The following AVL9 variants were observed in gnomAD, a reference collection of about 807,000 sequenced individuals.
AVL9 encodes the protein AVL9 cell migration associated, also known as late secretory pathway protein AVL9 homolog.
A neutral mutation model predicts 79.2 loss-of-function variants in AVL9; 49 were observed. That is an observed-to-expected ratio of 0.62 (90% CI 0.49 to 0.79). The LOEUF (loss-of-function observed/expected upper bound fraction) is 0.79, where lower values mean the gene tolerates loss of function less well. AVL9 is among the 30% of genes least tolerant of loss of function. The probability of loss-of-function intolerance (pLI) is 0.00; values close to 1 mark genes in which losing one functional copy is unlikely to be tolerated. For missense variants in AVL9, 682 were observed against 776.8 expected, an observed-to-expected ratio of 0.88 and a Z score of 1.45; for synonymous variants, 299 against 280.6, an observed-to-expected ratio of 1.07 and a Z score of -0.65.
At position 32,559,102 on chromosome 7, in the gene AVL9, C is replaced by G; in HGVS notation, c.853C>G (p.His285Asp). ...GTIRKVMAGNHGEDAAMKTEE... is the reference protein window; with the variant it reads ...GTIRKVMAGNDGEDAAMKTEE... ...TATCAGGAAAGTCATGGCAGGAAAC[C>G]ATGGAGAAGATGCTGCCATGAAGAC... Residue 285 changes from histidine (H) to aspartate (D), a missense_variant, in exon 10 of 16, where the codon CAT (histidine) becomes GAT (aspartate). His to Asp is a moderately conservative substitution (Grantham distance 81). Transcript: ENST00000318709. 2 of 1,613,984 alleles carry G rather than the reference C, an allele frequency of 1.2e-6. No individual in the cohort carries two copies. The highest frequency in any genetic ancestry group is 1.7e-6 in the Non-Finnish European group (2 of 1,179,960).
chr7:32,496,099 C>T (rs1272386466), intron 1 of AVL9, among the ~76,000 whole-genome samples: 1 of 152,138 alleles, frequency 6.6e-6, no homozygotes, highest in East Asian at 1.9e-4. Flanking sequence ...AGGAAAGCAT[C>T]GAAGACCGGC....
Position 32,585,618 on chromosome 7 carries a change from G to C in AVL9, c.*1711G>C, listed in dbSNP as rs1257353445. On this transcript the variant is annotated 3_prime_UTR_variant, in exon 16 of 16. Coordinates refer to ENST00000318709, the MANE Select transcript of AVL9 (RefSeq NM_015060.3). ...GGTTTATTCCTCACTAAATGTTTAAGAAGTAAATGCTCCCAAGGCATTTGA... is the reference window on the plus strand; with the variant it reads ...GGTTTATTCCTCACTAAATGTTTAACAAGTAAATGCTCCCAAGGCATTTGA... The C allele has an allele frequency of 1.3e-5, 2 of 152,214 alleles. No individual in the cohort carries two copies. The highest frequency in any genetic ancestry group is 4.8e-5 in the African/African-American group (2 of 41,474). The allele number at this position is 152,214 out of a possible 1,614,324, so 9.4% of individuals were successfully genotyped here.
chr7:32,501,571 A>T (rs1418688145), intron 1 of AVL9, among the ~76,000 whole-genome samples: 1 of 152,184 alleles, frequency 6.6e-6, no homozygotes, highest in Non-Finnish European at 1.5e-5. Context: ...GGGCTGCAGC[A>T]TTGACAGAAC....
At chr7:32,542,082 GTTC>G (rs1789235899) in intron 1 of AVL9, among the ~76,000 whole-genome samples, 1 of 151,838 alleles carries the variant, frequency 6.6e-6, no homozygotes, top group African/African-American at 2.4e-5. Flanking sequence ...CTTTTAAAGA[GTTC>G]TTCTAAACGG....
Position 32,570,010 on chromosome 7 carries a change from T to A in AVL9, c.1216-10T>A. Reference sequence around the variant, plus strand: ...TTTCTGATATTTTCTATTACTCTTCTAATTCATAGGGATATCTGTGTTTGC... The same window carrying A: ...TTTCTGATATTTTCTATTACTCTTCAAATTCATAGGGATATCTGTGTTTGC... On this transcript the variant is annotated splice_polypyrimidine_tract_variant and intron_variant, in intron 10 of 15. Coordinates refer to ENST00000318709, the MANE Select transcript of AVL9 (RefSeq NM_015060.3). 6.2e-7 allele frequency: 1 copy of A among 1,613,944 alleles called. No homozygotes were observed. Among genetic ancestry groups the A allele is most frequent in the Non-Finnish European group, 8.5e-7 (1 of 1,179,806 alleles).
At chr7:32,524,253 C>G (rs1387283414) in intron 1 of AVL9, among the ~76,000 whole-genome samples, 3 of 152,036 alleles carry the variant, frequency 2.0e-5, no homozygotes, top group African/African-American at 7.2e-5. Flanking sequence ...CGGTGGCTCA[C>G]GCCTGTAATC....
chr7:32,547,749 G>T (rs1396632731), intron 3 of AVL9, among the ~76,000 whole-genome samples: 1 of 152,218 alleles, frequency 6.6e-6, no homozygotes, highest in African/African-American at 2.4e-5. Flanking sequence ...CCTTTCGAAT[G>T]AAGATAAGAC....
intron 1 of AVL9, among the ~76,000 whole-genome samples, chr7:32,523,980 A>G (rs554040151): frequency 4.4e-4 from 66 of 151,226 alleles, no homozygotes; most frequent in Middle Eastern, 6.8e-3. Context: ...TGATCTGCCC[A>G]CCTCAGCCTC....
At chr7:32,555,820 A>G (rs972949785) in intron 8 of AVL9, among the ~76,000 whole-genome samples, 4 of 152,140 alleles carry the variant, frequency 2.6e-5, no homozygotes, top group Non-Finnish European at 5.9e-5. Flanking sequence ...CACAATATCC[A>G]CTTTAGTTCA....
At position 32,573,236 on chromosome 7, in the gene AVL9, T is replaced by A. The variant is rs752641245; in HGVS notation, c.1388T>A (p.Leu463His). Reference sequence around the variant, plus strand: ...CTGATCCAGATCCATGATCCAGAACTCAGGAAGCTGCTTAACCCAACCACT... The same window carrying A: ...CTGATCCAGATCCATGATCCAGAACACAGGAAGCTGCTTAACCCAACCACT... ...EALIQIHDPELRKLLNPTTAD... is the reference protein window; with the variant it reads ...EALIQIHDPEHRKLLNPTTAD... Residue 463 changes from leucine to histidine, a missense_variant, in exon 12 of 16, where the codon CTC becomes CAC. Leu to His is a moderately conservative substitution (Grantham distance 99). Coordinates refer to ENST00000318709, the MANE Select transcript of AVL9 (RefSeq NM_015060.3). The A allele has an allele frequency of 2.7e-5, 44 of 1,613,996 alleles. No individual in the cohort carries two copies. Among genetic ancestry groups the A allele is most frequent in the Non-Finnish European group, 3.7e-5 (44 of 1,179,992 alleles).
At chr7:32,570,272 C>T in intron 11 of AVL9, 118 bp downstream of exon 11, 1 of 1,320,366 alleles carries the variant, frequency 7.6e-7, no homozygotes, top group Non-Finnish European at 1.1e-6. Flanking sequence ...ATACTGTATG[C>T]CATGTATTCT....
intron 1 of AVL9, chr7:32,535,632 T>G (rs1788870563): frequency 6.6e-6 from 1 of 152,184 alleles, no homozygotes. Context: ...ACTGTTAAAT[T>G]TATCTTGGCA....
chr7:32,558,486 C>A, intron 8 of AVL9, 73 bp from the exon 9 acceptor site: 1 of 1,199,232 alleles, frequency 8.3e-7, no homozygotes, highest in Non-Finnish European at 1.2e-6. Flanking sequence ...GAATTTTTCC[C>A]TCTTTTTTAT....
At chr7:32,546,299 T>C (rs1326512131) in intron 3 of AVL9, among the ~76,000 whole-genome samples, 1 of 152,132 alleles carries the variant, frequency 6.6e-6, no homozygotes, top group East Asian at 1.9e-4. Flanking sequence ...ACTGTGTGTC[T>C]CTTTTTCCCC....
chr7:32,570,083 CG>C lies in AVL9; in HGVS notation c.1284del (p.Phe429LeufsTer23), dbSNP rs1352057558. The C allele has an allele frequency of 6.2e-7, 1 of 1,614,156 alleles. No individual in the cohort carries two copies. The highest frequency in any genetic ancestry group is 8.5e-7 in the Non-Finnish European group (1 of 1,180,022). On this transcript the variant is annotated frameshift_variant, in exon 11 of 16. Transcript: ENST00000318709. LOFTEE classifies it high-confidence loss of function. ...QHHLLSDVTV[R>X]GFVAGATNIL... ...TCATCTTCTCTCCGATGTCACCGTT[CG>C]GGGGTTTGTTGCTGGAGCTACTAAC...
At chr7:32,569,363 G>A (rs1464348387) in intron 10 of AVL9, among the ~76,000 whole-genome samples, 9 of 143,698 alleles carry the variant, frequency 6.3e-5, no homozygotes, top group African/African-American at 2.5e-4. Flanking sequence ...CAGGAAGTAT[G>A]CTGGATTTTT....
At chr7:32,512,619 C>G (rs1366548661) in intron 1 of AVL9, among the ~76,000 whole-genome samples, 1 of 152,156 alleles carries the variant, frequency 6.6e-6, no homozygotes, top group Non-Finnish European at 1.5e-5. Flanking sequence ...CCTCGTAGTT[C>G]CTGTGGTCCC....
chr7:32,565,124 G>A (rs1225878417), intron 10 of AVL9, among the ~76,000 whole-genome samples: 2 of 152,204 alleles, frequency 1.3e-5, no homozygotes, highest in African/African-American at 4.8e-5. Context: ...GGACTGGCCA[G>A]AAAGGACTGG....
At chr7:32,515,702 C>T (rs1057128298) in intron 1 of AVL9, among the ~76,000 whole-genome samples, 5 of 152,092 alleles carry the variant, frequency 3.3e-5, no homozygotes, top group Non-Finnish European at 4.4e-5. Context: ...TGCAGCTGGT[C>T]GTAGTTTCTC....
Sources: gnomAD v4.1 joint callset for allele counts (sites outside exome capture counted in the v4.1 genomes callset) on GRCh38, gnomAD v4.1.1 for gene constraint, MANE v1.5 for transcripts, NCBI Gene and HGNC (gene_info 2026-07-23, HGNC 2026-07-21) for gene names.